ZRANB1: variants seen among roughly 807,000 people sequenced by gnomAD.
The protein encoded by ZRANB1 is zinc finger RANBP2-type containing 1.
A neutral mutation model predicts 80.5 loss-of-function variants in ZRANB1; 16 were observed. The ratio of observed to expected loss-of-function variants is 0.20; its 90% CI spans 0.13 to 0.30. The LOEUF is 0.30. Among genes scored for constraint, ZRANB1 ranks in the 10% least tolerant of loss-of-function variants. The probability of loss-of-function intolerance (pLI) is 1.00; values close to 1 mark genes in which losing one functional copy is unlikely to be tolerated. For synonymous variants in ZRANB1, 291 were observed against 293.1 expected (o/e 0.99, Z 0.07); for missense variants, 576 against 862.6 (o/e 0.67, Z 4.16).
chr10:124,925,052 C>T, the ZRANB1 span, among the ~76,000 whole-genome samples: 1 of 151,956 alleles, frequency 6.6e-6, no homozygotes, highest in Non-Finnish European at 1.5e-5. Context: ...GGACTACAGG[C>T]ACGCACCACC....
At chr10:124,966,533 G>A (rs1230545622) in intron 1 of ZRANB1, 61 bp from the exon 2 acceptor site, 13 of 1,533,586 alleles carry the variant, frequency 8.5e-6, no homozygotes, top group South Asian at 2.3e-5. Flanking sequence ...TGATTGCTAC[G>A]GTTTGTGTTT....
intron 5 of ZRANB1, among the ~76,000 whole-genome samples, chr10:124,978,315 G>A (rs1218618034): frequency 6.6e-6 from 1 of 152,152 alleles, no homozygotes; most frequent in African/African-American, 2.4e-5. Context: ...TTGCTGAGGT[G>A]CCTTTTGCAC....
the ZRANB1 span, among the ~76,000 whole-genome samples, chr10:124,932,853 C>A: frequency 3.9e-5 from 6 of 152,038 alleles, no homozygotes; most frequent in South Asian, 2.1e-4. Context: ...GCGAGCCACC[C>A]CCCTGCATTT....
intron 1 of ZRANB1, among the ~76,000 whole-genome samples, chr10:124,944,644 A>G (rs1564955628): frequency 1.3e-5 from 2 of 151,890 alleles, no homozygotes; most frequent in Non-Finnish European, 2.9e-5. Flanking sequence ...ATGTACCACT[A>G]TGCCCTGCTA....
At chr10:124,951,054 G>A (rs1158356699) in intron 1 of ZRANB1, among the ~76,000 whole-genome samples, 1 of 151,762 alleles carries the variant, frequency 6.6e-6, no homozygotes, top group East Asian at 1.9e-4. Flanking sequence ...AAAAAAAATA[G>A]CAAAGTGTAG....
the ZRANB1 span, among the ~76,000 whole-genome samples, chr10:124,920,184 C>T: frequency 3.3e-5 from 5 of 152,030 alleles, no homozygotes; most frequent in African/African-American, 1.2e-4. Context: ...CCTCGGCCTC[C>T]CAGAGGCTGG....
chr10:124,955,393 GC>G (rs1339821916), intron 1 of ZRANB1, among the ~76,000 whole-genome samples: 2 of 151,906 alleles, frequency 1.3e-5, no homozygotes, highest in Non-Finnish European at 2.9e-5. Context: ...GAGCTACCAT[GC>G]CTGGACACAT....
intron 1 of ZRANB1, among the ~76,000 whole-genome samples, chr10:124,965,619 T>A (rs1016733175): frequency 6.6e-6 from 1 of 152,308 alleles, no homozygotes; most frequent in Non-Finnish European, 1.5e-5. Flanking sequence ...CTAAGAATAT[T>A]TTTTTACCTA....
At chr10:124,921,269 G>A in the ZRANB1 span, among the ~76,000 whole-genome samples, 162 of 152,314 alleles carry the variant, frequency 1.1e-3, 1 homozygote, top group Non-Finnish European at 2.0e-3. Flanking sequence ...AAAATAATCT[G>A]TAGCCTCAGT....
upstream of ZRANB1, chr10:124,940,530 G>A (rs779276777): frequency 3.3e-5 from 43 of 1,289,030 alleles, no homozygotes; most frequent in African/African-American, 1.2e-4. Flanking sequence ...AGGTTATAGC[G>A]TGGGAACTAA....
chr10:124,923,304 CTAG>C, the ZRANB1 span, among the ~76,000 whole-genome samples: 1 of 149,784 alleles, frequency 6.7e-6, no homozygotes, highest in Admixed American at 6.6e-5. Context: ...AAAAAACAAA[CTAG>C]CTGATGCCAG....
chr10:124,958,898 C>G (rs571062612), intron 1 of ZRANB1, among the ~76,000 whole-genome samples: 2 of 152,192 alleles, frequency 1.3e-5, no homozygotes, highest in Non-Finnish European at 2.9e-5. Context: ...CAGTCCCAGT[C>G]TGGGCAACAT....
At chr10:124,948,286 G>A (rs1369848459) in intron 1 of ZRANB1, among the ~76,000 whole-genome samples, 1 of 152,132 alleles carries the variant, frequency 6.6e-6, no homozygotes. Context: ...AGAATACAGT[G>A]TATAATACAT....
chr10:124,963,554 G>GTTTTTTTTTTTTTTTTTTTTTTTGTTTT (rs1951753184), intron 1 of ZRANB1, among the ~76,000 whole-genome samples: 1 of 57,510 alleles, frequency 1.7e-5, no homozygotes, highest in African/African-American at 6.2e-5. Flanking sequence ...TTTTTTGTTT[G>GTTTTTTTTTTTTTTTTTTTTTTTGTTTT]TTTTTTTTTT....
intron 6 of ZRANB1, 98 bp downstream of exon 6, chr10:124,981,927 A>C: frequency 6.8e-7 from 1 of 1,463,234 alleles, no homozygotes; most frequent in Non-Finnish European, 9.4e-7. Flanking sequence ...AATGTGGTCA[A>C]AGAAAAGAAT....
intron 1 of ZRANB1, among the ~76,000 whole-genome samples, chr10:124,960,587 T>G (rs2134271629): frequency 6.6e-6 from 1 of 152,214 alleles, no homozygotes; most frequent in South Asian, 2.1e-4. Flanking sequence ...CCTGACTAAT[T>G]TTAAAAAATT....
intron 2 of ZRANB1, among the ~76,000 whole-genome samples, chr10:124,968,452 G>A (rs1347558647): frequency 1.3e-5 from 2 of 152,156 alleles, no homozygotes; most frequent in African/African-American, 4.8e-5. Context: ...CGGGGTGGGG[G>A]GCTTGAGAGA....
At chr10:124,940,701 C>T (rs759720019), upstream of ZRANB1, among the ~76,000 whole-genome samples, 2 of 151,832 alleles carry the variant, frequency 1.3e-5, no homozygotes, top group South Asian at 2.1e-4. Context: ...TTAGGCCAGG[C>T]GTGGTGGTTC....
chr10:124,948,986 C>G (rs941556900), intron 1 of ZRANB1, among the ~76,000 whole-genome samples: 2 of 152,084 alleles, frequency 1.3e-5, no homozygotes, highest in Non-Finnish European at 2.9e-5. Context: ...GGGGCTCAAC[C>G]CAGGAGAGCC....
Sources: allele counts gnomAD v4.1 joint callset (sites outside exome capture counted in the v4.1 genomes callset), GRCh38; gene constraint gnomAD v4.1.1; transcripts MANE v1.5; gene names NCBI Gene and HGNC (gene_info 2026-07-23, HGNC 2026-07-21).